BICD1: variants seen among roughly 807,000 people sequenced by gnomAD.
BICD1 encodes the protein BICD cargo adaptor 1.
BICD1 carries 35 observed loss-of-function variants against 92.5 expected under a neutral mutation model. The observed-to-expected ratio is 0.38, with a 90% CI of 0.29 to 0.50. BICD1 has a LOEUF of 0.50. Ranked by LOEUF, BICD1 falls within the 20% of genes least tolerant of loss-of-function variation. The pLI, the probability that BICD1 is intolerant of heterozygous loss-of-function variation, is 0.93. For synonymous variants in BICD1, 429 were observed against 465.1 expected (o/e 0.92, Z 1.00); for missense variants, 950 against 1,189.8 (o/e 0.80, Z 2.97).
At chr12:32,184,068 C>G in intron 1 of BICD1, among the ~76,000 whole-genome samples, 1 of 152,286 alleles carries the variant, frequency 6.6e-6, no homozygotes, top group East Asian at 1.9e-4. Flanking sequence ...ATCCCTATTG[C>G]AGCCATTAGA....
intron 8 of BICD1, chr12:32,340,515 A>C: frequency 1.0e-6 from 1 of 965,696 alleles, no homozygotes; most frequent in Non-Finnish European, 1.2e-6. Context: ...TTAGAAAAGA[A>C]ATTGGTATGA....
intron 1 of BICD1, among the ~76,000 whole-genome samples, chr12:32,197,172 C>A (rs112199140): frequency 0.015 from 2,242 of 152,206 alleles, 47 homozygotes; most frequent in African/African-American, 0.051. Flanking sequence ...CCATGCCCAA[C>A]TGATTTTTGT....
chr12:32,106,987 G>C lies in BICD1; in HGVS notation c.-345G>C, dbSNP rs1941491172. On this transcript the variant is annotated 5_prime_UTR_variant, in exon 1 of 10. Coordinates refer to ENST00000652176, the MANE Select transcript of BICD1 (RefSeq NM_001714.4). The stretch of plus-strand genomic sequence containing the variant: ...ATGGCGGACGGGCGTCTCTGAATAA[G>C]CAGAATCCGGAGCCCCTCGCTACCC... 1 of 278,702 alleles carries C rather than the reference G, an allele frequency of 3.6e-6. No homozygotes were observed. The highest frequency in any genetic ancestry group is 6.8e-6 in the Non-Finnish European group (1 of 146,942). The allele number at this position is 278,702 out of a possible 1,614,324, so 17.3% of individuals were successfully genotyped here.
chr12:32,201,165 A>G (rs1476332439), intron 1 of BICD1, among the ~76,000 whole-genome samples: 2 of 152,252 alleles, frequency 1.3e-5, no homozygotes, highest in East Asian at 1.9e-4. Context: ...TCTCCTTTCT[A>G]TGGTTCTTTC....
chr12:32,255,882 C>T (rs557405798), intron 2 of BICD1, among the ~76,000 whole-genome samples: 18 of 152,098 alleles, frequency 1.2e-4, no homozygotes, highest in African/African-American at 3.6e-4. Context: ...TGCGGCCAGG[C>T]GTATTAAAAT....
chr12:32,366,929 C>A (rs1939546529), intron 8 of BICD1, among the ~76,000 whole-genome samples: 1 of 152,104 alleles, frequency 6.6e-6, no homozygotes, highest in African/African-American at 2.4e-5. Context: ...AGATGATTAA[C>A]CCAGCTAAAG....
chr12:32,274,443 T>C (rs1339502297), intron 2 of BICD1, among the ~76,000 whole-genome samples: 2 of 152,162 alleles, frequency 1.3e-5, no homozygotes, highest in Non-Finnish European at 2.9e-5. Flanking sequence ...CTTATGAAAG[T>C]TATTTAAAAG....
chr12:32,254,143 A>AAG, intron 2 of BICD1, among the ~76,000 whole-genome samples: 7 of 143,118 alleles, frequency 4.9e-5, no homozygotes, highest in African/African-American at 1.6e-4. Flanking sequence ...GCCGTATCCC[A>AAG]CCTGCCATAA....
At chr12:32,330,992 G>A (rs181716302) in intron 5 of BICD1, among the ~76,000 whole-genome samples, 1 of 152,296 alleles carries the variant, frequency 6.6e-6, no homozygotes, top group East Asian at 1.9e-4. Flanking sequence ...AAATTAACCA[G>A]GCGTGGTGGC....
intron 1 of BICD1, among the ~76,000 whole-genome samples, chr12:32,113,748 C>T (rs1941785935): frequency 6.9e-6 from 1 of 145,972 alleles, no homozygotes; most frequent in South Asian, 2.2e-4. Flanking sequence ...CTCACTCTAT[C>T]ACCCAGGCTG....
At chr12:32,302,887 T>TC (rs986683459) in intron 3 of BICD1, among the ~76,000 whole-genome samples, 3 of 151,166 alleles carry the variant, frequency 2.0e-5, no homozygotes, top group African/African-American at 7.3e-5. Flanking sequence ...ACCATTTTTT[T>TC]TTTTTTTTTT....
chr12:32,174,589 A>C (rs151180859), intron 1 of BICD1, among the ~76,000 whole-genome samples: 88 of 152,216 alleles, frequency 5.8e-4, no homozygotes, highest in African/African-American at 1.9e-3. Flanking sequence ...TAATCAAACT[A>C]TCTTGCCCTA....
intron 1 of BICD1, among the ~76,000 whole-genome samples, chr12:32,144,476 G>A (rs932079432): frequency 1.3e-5 from 2 of 152,044 alleles, no homozygotes; most frequent in Non-Finnish European, 2.9e-5. Flanking sequence ...ATCCACAGTG[G>A]GTACAAATGT....
intron 3 of BICD1, among the ~76,000 whole-genome samples, chr12:32,299,940 A>T (rs1947986126): frequency 1.3e-5 from 2 of 152,216 alleles, no homozygotes; most frequent in South Asian, 4.1e-4. Flanking sequence ...CCAGATAGTA[A>T]GTATCTTAGG....
In BICD1 at chr12:32,355,021, A is replaced by G. The variant is rs552661980; in HGVS notation, c.2765-12649A>G. On this transcript the variant is annotated intron_variant, in intron 8 of 9. Transcript: ENST00000652176. ...TTTCCATTAACCTTTCTGTTAATTC[A>G]CTAACATTATTAATCATTTTGTAGA... 5.3e-5 allele frequency among the ~76,000 whole-genome samples: 8 copies of G among 152,316 alleles called. No homozygotes were observed. The South Asian group carries it at 1.4e-3, about 28-fold the overall frequency.
intron 1 of BICD1, among the ~76,000 whole-genome samples, chr12:32,141,901 CCCCA>C (rs1942932699): frequency 6.6e-6 from 1 of 152,140 alleles, no homozygotes; most frequent in Non-Finnish European, 1.5e-5. Flanking sequence ...TTTTGTTTCT[CCCCA>C]GAGCCTAGCA....
intron 4 of BICD1, among the ~76,000 whole-genome samples, chr12:32,318,723 G>A (rs962623520): frequency 3.9e-5 from 6 of 152,050 alleles, no homozygotes; most frequent in African/African-American, 7.2e-5. Context: ...GCGTAGTGGC[G>A]CATGCCTGTA....
chr12:32,244,434 T>C (rs1241760106), intron 2 of BICD1, among the ~76,000 whole-genome samples: 2 of 152,090 alleles, frequency 1.3e-5, no homozygotes, highest in Non-Finnish European at 2.9e-5. Flanking sequence ...CCAATACATA[T>C]AATCTCTCTT....
At chr12:32,364,811 T>C (rs1441248263) in intron 8 of BICD1, among the ~76,000 whole-genome samples, 2 of 151,712 alleles carry the variant, frequency 1.3e-5, no homozygotes, top group Non-Finnish European at 2.9e-5. Context: ...ATTAGCAGGG[T>C]GTGGTGGTGT....
Sources: gnomAD v4.1 joint callset for allele counts (sites outside exome capture counted in the v4.1 genomes callset) on GRCh38, gnomAD v4.1.1 for gene constraint, MANE v1.5 for transcripts, NCBI Gene and HGNC (gene_info 2026-07-23, HGNC 2026-07-21) for gene names.